The following SPOCK1 variants were observed in gnomAD, a reference collection of about 807,000 sequenced individuals.
The protein encoded by SPOCK1 is SPARC (osteonectin), cwcv and kazal like domains proteoglycan 1, also known as testican-1.
A neutral mutation model predicts 55.3 loss-of-function variants in SPOCK1; 23 were observed. The ratio of observed to expected loss-of-function variants is 0.42; its 90% CI spans 0.30 to 0.59. The LOEUF is 0.59. Among genes scored for constraint, SPOCK1 ranks in the 20% least tolerant of loss-of-function variants. SPOCK1 has a pLI of 0.22. For synonymous variants in SPOCK1, 226 were observed against 221.0 expected (o/e 1.02, Z -0.20); for missense variants, 499 against 552.5 (o/e 0.90, Z 0.97).
chr5:137,326,115 G>C (rs1758071887), intron 2 of SPOCK1, among the ~76,000 whole-genome samples: 1 of 151,974 alleles, frequency 6.6e-6, no homozygotes, highest in South Asian at 2.1e-4. Context: ...AATATCCATA[G>C]ATGGACTCAA....
chr5:137,308,011 G>T (rs557080065), intron 2 of SPOCK1, among the ~76,000 whole-genome samples: 1 of 152,316 alleles, frequency 6.6e-6, no homozygotes, highest in Admixed American at 6.5e-5. Context: ...TTAAAATGAT[G>T]ATATACACAA....
intron 5 of SPOCK1, among the ~76,000 whole-genome samples, chr5:137,097,929 T>A (rs1753185830): frequency 3.3e-5 from 5 of 152,136 alleles, no homozygotes; most frequent in Admixed American, 3.3e-4. Flanking sequence ...CAATCCCACC[T>A]ACCCGAGAGC....
chr5:137,034,248 C>T (rs1378125011), intron 6 of SPOCK1, among the ~76,000 whole-genome samples: 1 of 152,176 alleles, frequency 6.6e-6, no homozygotes, highest in Non-Finnish European at 1.5e-5. Flanking sequence ...AGCTTTTCAA[C>T]AGAGAGTGAA....
intron 6 of SPOCK1, among the ~76,000 whole-genome samples, chr5:137,014,660 T>G (rs1412723847): frequency 6.6e-6 from 1 of 152,158 alleles, no homozygotes; most frequent in African/African-American, 2.4e-5. Flanking sequence ...ACTTTCTGTG[T>G]CAATATACCT....
intron 3 of SPOCK1, among the ~76,000 whole-genome samples, chr5:137,165,328 T>C (rs1016376290): frequency 1.0e-5 from 1 of 96,252 alleles, no homozygotes. Context: ...AGGTGGTACT[T>C]CTATCAGTCT....
At chr5:137,192,191 C>G (rs1338186579) in intron 3 of SPOCK1, among the ~76,000 whole-genome samples, 1 of 147,596 alleles carries the variant, frequency 6.8e-6, no homozygotes. Context: ...CGAGATCACA[C>G]CACTGCACTC....
At chr5:137,152,140 C>T (rs1754328878) in intron 3 of SPOCK1, among the ~76,000 whole-genome samples, 1 of 152,214 alleles carries the variant, frequency 6.6e-6, no homozygotes, top group African/African-American at 2.4e-5. Flanking sequence ...AAAATGGTTG[C>T]ATCCCCCACT....
At chr5:137,118,340 C>T (rs1326925089) in intron 4 of SPOCK1, among the ~76,000 whole-genome samples, 2 of 152,206 alleles carry the variant, frequency 1.3e-5, no homozygotes, top group Non-Finnish European at 2.9e-5. Context: ...GATGGACTGC[C>T]CAGGTCATAA....
intron 2 of SPOCK1, among the ~76,000 whole-genome samples, chr5:137,484,331 C>T (rs1230085121): frequency 6.6e-6 from 1 of 152,222 alleles, no homozygotes; most frequent in Non-Finnish European, 1.5e-5. Flanking sequence ...CAGGCACTAG[C>T]ATGAGGAAGG....
intron 6 of SPOCK1, among the ~76,000 whole-genome samples, chr5:137,017,550 C>G (rs1392330270): frequency 6.6e-6 from 1 of 152,036 alleles, no homozygotes; most frequent in African/African-American, 2.4e-5. Context: ...AACCACAAAA[C>G]AATATATGAC....
chr5:137,044,136 A>C (rs761539897), intron 6 of SPOCK1, among the ~76,000 whole-genome samples: 26 of 152,322 alleles, frequency 1.7e-4, no homozygotes, highest in South Asian at 1.0e-3. Context: ...GAAGGGGAAC[A>C]CAGTGTTCTA....
At chr5:137,495,100 A>C (rs1203914971) in intron 2 of SPOCK1, among the ~76,000 whole-genome samples, 2 of 152,264 alleles carry the variant, frequency 1.3e-5, no homozygotes, top group Non-Finnish European at 2.9e-5. Context: ...CAAAACTAAC[A>C]GACCACAAAT....
chr5:137,149,994 G>A (rs1051758634), intron 3 of SPOCK1, among the ~76,000 whole-genome samples: 6 of 152,204 alleles, frequency 3.9e-5, no homozygotes, highest in African/African-American at 9.6e-5. Flanking sequence ...AGGGCCTGGC[G>A]CACAGTTCAT....
chr5:136,999,056 C>T (rs1470294300), intron 6 of SPOCK1, among the ~76,000 whole-genome samples: 2 of 152,322 alleles, frequency 1.3e-5, no homozygotes, highest in South Asian at 2.1e-4. Context: ...TTGCCCCCTC[C>T]ACCCAAGGCA....
rs145424046 is a variant in SPOCK1, at chr5:137,369,517, C to T, written c.187-102462G>A. ...AAGTGCCAGGGAGACAAGCTGTTATCCCCAGATTGACCTGGGTGTGCCACT... is the reference window on the plus strand; with the variant it reads ...AAGTGCCAGGGAGACAAGCTGTTATTCCCAGATTGACCTGGGTGTGCCACT... On this transcript the variant is annotated intron_variant, in intron 2 of 10. Coordinates refer to ENST00000394945, the MANE Select transcript of SPOCK1 (RefSeq NM_004598.4). Among the ~76,000 whole-genome samples the T allele has an allele frequency of 3.0e-3, 457 of 152,284 alleles. 4 individuals are homozygous for T. Among genetic ancestry groups the T allele is most frequent in the African/African-American group, 0.01 (422 of 41,548 alleles).
At chr5:137,308,131 C>A (rs1215265810) in intron 2 of SPOCK1, among the ~76,000 whole-genome samples, 5 of 152,204 alleles carry the variant, frequency 3.3e-5, no homozygotes, top group African/African-American at 1.2e-4. Flanking sequence ...GGAGCAATGT[C>A]CTATAGTTCT....
At chr5:137,037,710 T>TA (rs1751911083) in intron 6 of SPOCK1, among the ~76,000 whole-genome samples, 2 of 151,968 alleles carry the variant, frequency 1.3e-5, no homozygotes, top group African/African-American at 2.4e-5. Flanking sequence ...GTCGCTAACC[T>TA]AAAAAAAAGT....
At chr5:137,282,932 T>C (rs1421415875) in intron 2 of SPOCK1, among the ~76,000 whole-genome samples, 3 of 152,238 alleles carry the variant, frequency 2.0e-5, no homozygotes, top group East Asian at 3.9e-4. Context: ...TGACTGCAGA[T>C]GCATTAGGTG....
intron 2 of SPOCK1, among the ~76,000 whole-genome samples, chr5:137,429,967 T>C (rs912794971): frequency 1.3e-5 from 2 of 152,226 alleles, no homozygotes; most frequent in Non-Finnish European, 2.9e-5. Context: ...CTAGGACACC[T>C]TGTGAAGTGT....
Sources: allele counts gnomAD v4.1 joint callset (sites outside exome capture counted in the v4.1 genomes callset), GRCh38; gene constraint gnomAD v4.1.1; transcripts MANE v1.5; gene names NCBI Gene and HGNC (gene_info 2026-07-23, HGNC 2026-07-21).